Variants in AIG1 observed in about 807,000 individuals in gnomAD.
AIG1 encodes the protein androgen induced 1.
AIG1 carries 23 observed loss-of-function variants against 31.4 expected under a neutral mutation model. The ratio of observed to expected loss-of-function variants is 0.73; its 90% CI spans 0.53 to 1.04. The LOEUF (loss-of-function observed/expected upper bound fraction) is 1.04. AIG1 is among the 50% of genes least tolerant of loss of function. The pLI, the probability that AIG1 is intolerant of heterozygous loss-of-function variation, is 0.00. For missense variants in AIG1, 274 were observed against 295.0 expected (o/e 0.93, Z 0.52); for synonymous variants, 100 against 110.5 (o/e 0.90, Z 0.60).
intron 3 of AIG1, among the ~76,000 whole-genome samples, chr6:143,244,935 C>T (rs1382190377): frequency 2.6e-5 from 4 of 152,180 alleles, no homozygotes; most frequent in Admixed American, 6.5e-5. Flanking sequence ...AATAGCTACT[C>T]TAAGAAGGAA....
chr6:143,314,179 T>C (rs1300693009), intron 4 of AIG1, among the ~76,000 whole-genome samples: 2 of 99,650 alleles, frequency 2.0e-5, no homozygotes, highest in African/African-American at 4.8e-5. Context: ...CTGGAACCCA[T>C]CTCTTAAAAA....
At chr6:143,146,957 C>CAGGTGGGA (rs1784767000) in intron 2 of AIG1, among the ~76,000 whole-genome samples, 1 of 152,116 alleles carries the variant, frequency 6.6e-6, no homozygotes, top group Non-Finnish European at 1.5e-5. Flanking sequence ...CGCAGAAAAT[C>CAGGTGGGA]AGGTGGGAAG....
chr6:143,114,229 T>A (rs1010630770), intron 1 of AIG1, among the ~76,000 whole-genome samples: 8 of 152,238 alleles, frequency 5.3e-5, no homozygotes, highest in African/African-American at 1.9e-4. Context: ...CATATCTGTT[T>A]TCAAAAATCT....
chr6:143,253,128 A>G (rs1260121502), intron 3 of AIG1, among the ~76,000 whole-genome samples: 1 of 152,236 alleles, frequency 6.6e-6, no homozygotes, highest in Non-Finnish European at 1.5e-5. Flanking sequence ...GAAGCAAGTC[A>G]CTAGGCCAGC....
At chr6:143,312,043 T>G (rs983125886) in intron 4 of AIG1, among the ~76,000 whole-genome samples, 5 of 151,646 alleles carry the variant, frequency 3.3e-5, no homozygotes, top group African/African-American at 4.8e-5. Context: ...TAAAACATGG[T>G]GAAAGAAATC....
intron 4 of AIG1, among the ~76,000 whole-genome samples, chr6:143,300,047 C>T (rs2128696320): frequency 6.6e-6 from 1 of 152,282 alleles, no homozygotes; most frequent in Admixed American, 6.5e-5. Flanking sequence ...CCAGATGAGC[C>T]CCATGTCTGG....
At chr6:143,306,832 G>A (rs1799349389) in intron 4 of AIG1, among the ~76,000 whole-genome samples, 1 of 152,140 alleles carries the variant, frequency 6.6e-6, no homozygotes, top group Non-Finnish European at 1.5e-5. Context: ...TCACTTTCAG[G>A]TACACCAATC....
chr6:143,211,258 G>A (rs963416258), intron 3 of AIG1, among the ~76,000 whole-genome samples: 2 of 152,124 alleles, frequency 1.3e-5, no homozygotes, highest in African/African-American at 2.4e-5. Context: ...CCAGACACTG[G>A]TGGGCTCTGA....
chr6:143,269,578 A>G (rs1020545475), intron 3 of AIG1, among the ~76,000 whole-genome samples: 1 of 152,248 alleles, frequency 6.6e-6, no homozygotes, highest in Non-Finnish European at 1.5e-5. Flanking sequence ...CCACAGTGTC[A>G]TCAATAACAG....
At chr6:143,209,662 C>T (rs1482737709) in intron 3 of AIG1, among the ~76,000 whole-genome samples, 2 of 152,118 alleles carry the variant, frequency 1.3e-5, no homozygotes, top group Non-Finnish European at 2.9e-5. Context: ...CTGACGGCTC[C>T]CTTGTTTTAG....
intron 3 of AIG1, among the ~76,000 whole-genome samples, chr6:143,212,974 A>G (rs1187959788): frequency 6.6e-6 from 1 of 152,212 alleles, no homozygotes; most frequent in African/African-American, 2.4e-5. Context: ...AGGGAGAAAA[A>G]AATGGAACCA....
Position 143,284,738 on chromosome 6 carries a change from A to G in AIG1, c.515+513A>G, listed in dbSNP as rs1797577074. On this transcript the variant is annotated intron_variant, in intron 4 of 5. Coordinates refer to ENST00000357847, the MANE Select transcript of AIG1 (RefSeq NM_016108.4). The surrounding 1 kb of genome is among the most constrained non-coding windows in gnomAD (Gnocchi z 4.4). ...GCATTAAACTGTTCTGTTTTTAAATATTGGGATAAATAAACCACAAGAAAT... is the reference window on the plus strand; with the variant it reads ...GCATTAAACTGTTCTGTTTTTAAATGTTGGGATAAATAAACCACAAGAAAT... Among the ~76,000 whole-genome samples, 1 of 152,212 alleles carries G rather than the reference A, an allele frequency of 6.6e-6. No homozygotes were observed. The highest frequency in any genetic ancestry group is 1.5e-5 in the Non-Finnish European group (1 of 68,030).
At chr6:143,071,440 T>C (rs1451522314) in intron 1 of AIG1, among the ~76,000 whole-genome samples, 3 of 152,230 alleles carry the variant, frequency 2.0e-5, no homozygotes, top group African/African-American at 7.2e-5. Context: ...ATTTCTCTGA[T>C]ATAAACATCC....
chr6:143,314,872 T>C (rs188277676), intron 4 of AIG1, among the ~76,000 whole-genome samples: 39 of 152,266 alleles, frequency 2.6e-4, no homozygotes, highest in Admixed American at 2.3e-3. Context: ...TGTGAAAATA[T>C]AAAAACTGTT....
intron 1 of AIG1, among the ~76,000 whole-genome samples, chr6:143,071,656 C>CGTGGTGGTGGTG (rs925359508): frequency 1.1e-4 from 16 of 151,690 alleles, no homozygotes; most frequent in African/African-American, 3.9e-4. Context: ...GATATCTCAT[C>CGTGGTGGTGGTG]GTGGTGGTGG....
At chr6:143,084,980 C>T (rs1381513980) in intron 1 of AIG1, among the ~76,000 whole-genome samples, 3 of 152,160 alleles carry the variant, frequency 2.0e-5, no homozygotes, top group South Asian at 2.1e-4. Context: ...GCCAAACTCT[C>T]GGGCTGCAGT....
At chr6:143,140,853 C>G (rs59019122) in intron 2 of AIG1, among the ~76,000 whole-genome samples, 2 of 152,324 alleles carry the variant, frequency 1.3e-5, no homozygotes, top group African/African-American at 4.8e-5. Flanking sequence ...AGCACCCTCT[C>G]TGTGCCAGGG....
downstream of AIG1, chr6:143,343,191 G>A (rs1777888934): frequency 4.2e-6 from 3 of 712,464 alleles, no homozygotes; most frequent in South Asian, 4.3e-5. Context: ...ATCCATTAAC[G>A]CCACGGATAT....
chr6:143,339,694 A>C lies in AIG1; in HGVS notation c.*18A>C. ...TGGAATGAGATCCAAGTCTAAACGC[A>C]AGAGCTAGATTGAGCCGCCATTGAA... is the stretch of plus-strand genomic sequence containing the variant. On this transcript the variant is annotated 3_prime_UTR_variant, in exon 6 of 6. Coordinates refer to ENST00000357847, the MANE Select transcript of AIG1 (RefSeq NM_016108.4). The C allele has an allele frequency of 6.2e-7, 1 of 1,612,970 alleles. No homozygotes were observed. Among genetic ancestry groups the C allele is most frequent in the Non-Finnish European group, 8.5e-7 (1 of 1,179,376 alleles).
Sources: allele counts gnomAD v4.1 joint callset (sites outside exome capture counted in the v4.1 genomes callset), GRCh38; gene constraint gnomAD v4.1.1; non-coding constraint Gnocchi (gnomAD v3.1); transcripts MANE v1.5; gene names NCBI Gene and HGNC (gene_info 2026-07-23, HGNC 2026-07-21).